IGSF11: variants seen among roughly 807,000 people sequenced by gnomAD.
IGSF11 encodes the protein CXADR like 1.
A neutral mutation model predicts 41.0 loss-of-function variants in IGSF11; 22 were observed. That is an observed-to-expected ratio of 0.54 (90% CI 0.38 to 0.77). The LOEUF is 0.77. IGSF11 is among the 30% of genes least tolerant of loss of function. The pLI is 0.00. For missense variants in IGSF11, 444 were observed against 530.8 expected, an observed-to-expected ratio of 0.84 and a Z score of 1.61; for synonymous variants, 219 against 201.3, an observed-to-expected ratio of 1.09 and a Z score of -0.74.
chr3:118,927,060 A>G (rs1942384555), intron 3 of IGSF11, among the ~76,000 whole-genome samples: 1 of 152,178 alleles, frequency 6.6e-6, no homozygotes, highest in Non-Finnish European at 1.5e-5. Context: ...GAATGAAAAA[A>G]TGAATGCAGA....
chr3:118,996,889 G>A (rs1047561610), intron 1 of IGSF11, among the ~76,000 whole-genome samples: 9 of 152,232 alleles, frequency 5.9e-5, no homozygotes, highest in Middle Eastern at 3.4e-3. Context: ...GTGAGCCACC[G>A]CGCCTGGCCG....
At chr3:119,113,440 G>T (rs888877355) in intron 1 of IGSF11, among the ~76,000 whole-genome samples, 2 of 152,182 alleles carry the variant, frequency 1.3e-5, no homozygotes, top group East Asian at 3.9e-4. Flanking sequence ...AGGAGCTACA[G>T]GTCCCATGGA....
upstream of IGSF11, among the ~76,000 whole-genome samples, chr3:119,107,263 C>T (rs1399801711): frequency 6.6e-6 from 1 of 152,128 alleles, no homozygotes; most frequent in East Asian, 1.9e-4. Context: ...TTTCCTGACT[C>T]TTCAATGATC....
At chr3:119,003,193 C>A (rs1352180548) in intron 1 of IGSF11, among the ~76,000 whole-genome samples, 1 of 145,598 alleles carries the variant, frequency 6.9e-6, no homozygotes, top group Admixed American at 6.8e-5. Context: ...CTTCACATCC[C>A]TTGTAAGTTG....
At chr3:119,095,104 T>G (rs1014237239) in intron 1 of IGSF11, among the ~76,000 whole-genome samples, 3 of 152,010 alleles carry the variant, frequency 2.0e-5, no homozygotes, top group African/African-American at 7.2e-5. Context: ...AAGAAAAGTA[T>G]CAAAGTAAAA....
In IGSF11 at chr3:118,989,357, A is replaced by AT. The variant is rs11313865; in HGVS notation, c.52+45173dup. 8.2e-3 allele frequency among the ~76,000 whole-genome samples: 1,202 copies of AT among 147,366 alleles called. 6 individuals carry two copies. The highest frequency in any genetic ancestry group is 0.023 in the South Asian group (107 of 4,600). ...TAAATATATAGAAAACCTTTATAGC[A>AT]TTTTTTTTTTTTTGAGACTGAGTCT... On this transcript the variant is annotated intron_variant, in intron 1 of 6. Coordinates refer to ENST00000393775, the MANE Select transcript of IGSF11 (RefSeq NM_001015887.3).
intron 1 of IGSF11, among the ~76,000 whole-genome samples, chr3:118,996,780 T>C (rs1233958633): frequency 6.6e-6 from 1 of 152,078 alleles, no homozygotes; most frequent in African/African-American, 2.4e-5. Context: ...TTTGTATTTT[T>C]AGTAGAGACG....
chr3:119,063,288 G>A (rs986687066), intron 1 of IGSF11, among the ~76,000 whole-genome samples: 9 of 152,156 alleles, frequency 5.9e-5, no homozygotes, highest in South Asian at 2.1e-4. Flanking sequence ...AGAATTCCCC[G>A]AAGACATAAT....
At chr3:119,071,353 C>G (rs1576761532) in intron 1 of IGSF11, among the ~76,000 whole-genome samples, 2 of 152,218 alleles carry the variant, frequency 1.3e-5, no homozygotes, top group Middle Eastern at 3.4e-3. Flanking sequence ...TCTATTATTT[C>G]TTTTGTTGCC....
intron 1 of IGSF11, among the ~76,000 whole-genome samples, chr3:119,141,947 G>C (rs998486272): frequency 1.3e-5 from 2 of 152,100 alleles, no homozygotes; most frequent in Non-Finnish European, 2.9e-5. Flanking sequence ...GGGAGGAAAA[G>C]CTGGGGAGAG....
intron 1 of IGSF11, among the ~76,000 whole-genome samples, chr3:119,095,989 T>A (rs969715002): frequency 6.6e-6 from 1 of 152,246 alleles, no homozygotes; most frequent in East Asian, 1.9e-4. Context: ...GTTCTAACTA[T>A]CCACTTGCAT....
At chr3:119,093,101 T>C (rs2076791959) in intron 1 of IGSF11, among the ~76,000 whole-genome samples, 1 of 152,130 alleles carries the variant, frequency 6.6e-6, no homozygotes, top group African/African-American at 2.4e-5. Flanking sequence ...TATTAAGATA[T>C]CAACACACAC....
intron 1 of IGSF11, among the ~76,000 whole-genome samples, chr3:119,001,467 C>CTT (rs113963134): frequency 1.9e-4 from 25 of 130,592 alleles, no homozygotes; most frequent in African/African-American, 6.1e-4. Flanking sequence ...CCCAGGTTTT[C>CTT]TTTTTTTTTT....
intron 1 of IGSF11, chr3:118,944,796 G>A (rs1019460622): frequency 3.3e-5 from 5 of 152,012 alleles, no homozygotes; most frequent in East Asian, 1.9e-4. Flanking sequence ...TGTTTTAGGC[G>A]GTTTATATAA....
At chr3:119,065,298 A>C (rs1178432447) in intron 1 of IGSF11, among the ~76,000 whole-genome samples, 1 of 152,208 alleles carries the variant, frequency 6.6e-6, no homozygotes, top group Non-Finnish European at 1.5e-5. Flanking sequence ...GATGATATAT[A>C]GATTGTCTTC....
At chr3:119,124,111 G>T (rs1254267900) in intron 1 of IGSF11, among the ~76,000 whole-genome samples, 1 of 152,048 alleles carries the variant, frequency 6.6e-6, no homozygotes, top group Non-Finnish European at 1.5e-5. Flanking sequence ...AGAAATTCAA[G>T]ATTTCTTTGA....
chr3:118,902,738 T>C lies in IGSF11; in HGVS notation c.1078A>G (p.Asn360Asp). The change falls in exon 7 of 7, where the codon AAT becomes GAT. Residue 360 changes from asparagine to aspartate, a missense_variant. By Grantham distance (23) the Asn-to-Asp change is conservative. This residue lies in a region of IGSF11 where 223 missense variants were observed against 226.2 expected (regional missense o/e 0.99). Transcript: ENST00000393775. ...GNANIPSIYA[N>D]GTHLVPGQHK... is the part of the protein sequence containing the mutation. ...TGACCCGGGACCAGATGGGTCCCAT[T>C]AGCATAAATGGATGGTATGTTGGCA... 1 of 1,614,080 alleles carries C rather than the reference T, an allele frequency of 6.2e-7. No homozygotes were observed. Among genetic ancestry groups the C allele is most frequent in the Non-Finnish European group, 8.5e-7 (1 of 1,179,940 alleles).
chr3:119,046,924 T>A (rs1201424193), intron 1 of IGSF11, among the ~76,000 whole-genome samples: 1 of 146,322 alleles, frequency 6.8e-6, no homozygotes. Context: ...AGAAATAAAA[T>A]ACTTTACAGA....
intron 1 of IGSF11, among the ~76,000 whole-genome samples, chr3:118,995,675 C>T (rs1018359586): frequency 2.0e-5 from 3 of 150,402 alleles, no homozygotes; most frequent in Admixed American, 6.6e-5. Flanking sequence ...ATTTTTGAGA[C>T]AGAGTCTCGC....
Sources: gnomAD v4.1 joint callset for allele counts (sites outside exome capture counted in the v4.1 genomes callset) on GRCh38, gnomAD v4.1.1 for gene constraint, gnomAD v4.1.1 regional missense constraint, MANE v1.5 for transcripts, NCBI Gene and HGNC (gene_info 2026-07-23, HGNC 2026-07-21) for gene names.